Variants in ABCC3 observed in about 807,000 individuals in gnomAD.
The protein encoded by ABCC3 is ATP-binding cassette sub-family C member 3.
A neutral mutation model predicts 165.3 loss-of-function variants in ABCC3; 121 were observed. That is an observed-to-expected ratio of 0.73 (90% CI 0.63 to 0.85). The LOEUF (loss-of-function observed/expected upper bound fraction) is 0.85, where lower values mean the gene tolerates loss of function less well. ABCC3 is among the 40% of genes least tolerant of loss of function. The probability of loss-of-function intolerance (pLI) is 0.00; values close to 1 mark genes in which losing one functional copy is unlikely to be tolerated. For missense variants in ABCC3, 1,869 were observed against 1,964.1 expected, an observed-to-expected ratio of 0.95 and a Z score of 0.92; for synonymous variants, 733 against 810.1, an observed-to-expected ratio of 0.90 and a Z score of 1.62.
At chr17:50,671,614 C>T (rs1967647099) in intron 17 of ABCC3, among the ~76,000 whole-genome samples, 1 of 143,400 alleles carries the variant, frequency 7.0e-6, no homozygotes, top group African/African-American at 2.5e-5. Context: ...TCCTTGTTGG[C>T]GGGGAGTCTG....
chr17:50,653,758 G>T (rs200425906), intron 1 of ABCC3, among the ~76,000 whole-genome samples: 1 of 132,308 alleles, frequency 7.6e-6, no homozygotes, highest in African/African-American at 2.9e-5. Context: ...CATCTCAAAA[G>T]AAAAAAAAAA....
At chr17:50,675,589 G>C in intron 20 of ABCC3, 42 bp from the exon 21 acceptor site, 1 of 1,560,370 alleles carries the variant, frequency 6.4e-7, no homozygotes, top group Admixed American at 1.9e-5. Context: ...CCTGGGGGGT[G>C]CTTGAGGCCC....
intron 26 of ABCC3, 123 bp downstream of exon 26, chr17:50,680,022 T>C (rs1211803770): frequency 1.5e-6 from 1 of 689,118 alleles, no homozygotes; most frequent in African/African-American, 1.8e-5. Flanking sequence ...CATTTACCCA[T>C]TCACTCCTTA....
chr17:50,684,783 G>A lies in ABCC3; in HGVS notation c.4188G>A (p.Trp1396Ter), dbSNP rs1967993304. 6.2e-7 allele frequency: 1 copy of A among 1,614,148 alleles called. No individual in the cohort carries two copies. Among genetic ancestry groups the A allele is most frequent in the Non-Finnish European group, 8.5e-7 (1 of 1,180,032 alleles). Residue 1396 changes from tryptophan to a stop codon, truncating the protein, a stop_gained, in exon 29 of 31, where the codon TGG (tryptophan) becomes TGA (stop). Transcript: ENST00000285238. LOFTEE classifies it high-confidence loss of function. ...PFGSYSEEDI[W>*]WALELSHLHT... ...GCAGCTACTCAGAGGAGGACATTTG[G>A]TGGGCTTTGGAGCTGTCCCACCTGC... is the stretch of plus-strand genomic sequence containing the variant.
chr17:50,675,358 G>A lies in ABCC3; in HGVS notation c.2600-4G>A. On this transcript the variant is annotated splice_region_variant and splice_polypyrimidine_tract_variant and intron_variant, in intron 19 of 30. Transcript: ENST00000285238. ...CCTATCTCCTTCCTCCCACCCTACT[G>A]CAGCGTTGGAAGGTGCAGAGGATAA... 1 of 1,606,510 alleles carries A rather than the reference G, an allele frequency of 6.2e-7. No individual in the cohort carries two copies. Among genetic ancestry groups the A allele is most frequent in the Non-Finnish European group, 8.5e-7 (1 of 1,175,502 alleles).
Position 50,634,966 on chromosome 17 carries a change from C to G in ABCC3, c.30C>G (p.Leu10=), listed in dbSNP as rs1381307836. 7.9e-7 allele frequency: 1 copy of G among 1,260,310 alleles called. No individual in the cohort carries two copies. The highest frequency in any genetic ancestry group is 1.0e-6 in the Non-Finnish European group (1 of 1,000,432). 78.1% of individuals were successfully genotyped at this position (1,260,310 alleles called of 1,614,324 possible). A position where few individuals can be genotyped will look rare whatever the true frequency, so the allele number is the denominator to read the frequency against. The change falls in exon 1 of 31, where the codon CTC becomes CTG. Residue 10 remains leucine, a synonymous_variant. Coordinates refer to ENST00000285238, the MANE Select transcript of ABCC3 (RefSeq NM_003786.4). MDALCGSGE[L]GSKFWDSNLS... ...ACGCCCTGTGCGGTTCCGGGGAGCT[C>G]GGCTCCAAGTTCTGGGTAAGGCGCG...
At chr17:50,681,229 A>G (rs1211122852) in intron 26 of ABCC3, among the ~76,000 whole-genome samples, 2 of 151,928 alleles carry the variant, frequency 1.3e-5, no homozygotes, top group Non-Finnish European at 2.9e-5. Context: ...CAAACCCCAC[A>G]TCTCCCTCCT....
At chr17:50,636,066 C>T (rs2054176996) in intron 1 of ABCC3, among the ~76,000 whole-genome samples, 1 of 152,060 alleles carries the variant, frequency 6.6e-6, no homozygotes, top group Non-Finnish European at 1.5e-5. Context: ...CTCTATGAGG[C>T]AAGTGATCAT....
rs771262922 is a variant in ABCC3 at position 50,676,352 on chromosome 17, C to T, written c.3142C>T (p.Leu1048=). 6 of 1,614,080 alleles carry T rather than the reference C, an allele frequency of 3.7e-6. No homozygotes were observed. In the African/African-American group the frequency reaches 8.0e-5, roughly 22 times the overall value. ...GGCTGCCCGTGTGTTGCACCAGGCA[C>T]TGCTGCACAACAAGATACGCTCGCC... ...IQAARVLHQA[L]LHNKIRSPQS... is the part of the protein sequence containing the mutation. Residue 1048 remains leucine, a synonymous_variant, in exon 23 of 31, where the codon CTG becomes TTG. Transcript: ENST00000285238.
chr17:50,686,544 A>T (rs763908986), intron 29 of ABCC3, among the ~76,000 whole-genome samples: 6 of 152,016 alleles, frequency 3.9e-5, no homozygotes, highest in Non-Finnish European at 5.9e-5. Flanking sequence ...CTGGCGGACA[A>T]ACATGGTCTC....
At position 50,658,327 on chromosome 17, in the gene ABCC3, G is replaced by A. The variant is rs1189821563; in HGVS notation, c.613-108G>A. The A allele has an allele frequency of 6.3e-6, 10 of 1,582,858 alleles. No individual in the cohort carries two copies. In the Admixed American group the frequency reaches 6.7e-5, roughly 11 times the overall value. On this transcript the variant is annotated intron_variant, in intron 5 of 30. Transcript: ENST00000285238. ...GGGAGAGAGGTCATCCCCACAATCTGTAAACTGGGGCTTGGAGCAGGAACA... is the reference window on the plus strand; with the variant it reads ...GGGAGAGAGGTCATCCCCACAATCTATAAACTGGGGCTTGGAGCAGGAACA...
At chr17:50,653,344 C>CAAAAAAAAAAAAAAAA (rs1298179994) in intron 1 of ABCC3, among the ~76,000 whole-genome samples, 1 of 47,758 alleles carries the variant, frequency 2.1e-5, no homozygotes, top group African/African-American at 6.9e-5. Flanking sequence ...GAGACTGTCT[C>CAAAAAAAAAAAAAAAA]AAAAAAAAAA....
chr17:50,640,946 T>A (rs980854422), intron 1 of ABCC3, among the ~76,000 whole-genome samples: 2 of 152,230 alleles, frequency 1.3e-5, no homozygotes, highest in African/African-American at 4.8e-5. Context: ...TATCTGGGAC[T>A]TCAGGAGCTG....
chr17:50,685,711 CA>C (rs1968010405), intron 29 of ABCC3, among the ~76,000 whole-genome samples: 1 of 152,202 alleles, frequency 6.6e-6, no homozygotes, highest in African/African-American at 2.4e-5. Context: ...CACATGGGGC[CA>C]GTGGCTACCA....
In ABCC3 at chr17:50,634,931, G is replaced by C. The variant is rs1022464701; in HGVS notation, c.-6G>C. On this transcript the variant is annotated 5_prime_UTR_variant, in exon 1 of 31. Coordinates refer to ENST00000285238, the MANE Select transcript of ABCC3 (RefSeq NM_003786.4). Reference sequence around the variant, plus strand: ...CTCGCCTTCCTTGCAGCCGCGCCTCGGCCCCATGGACGCCCTGTGCGGTTC... The same window carrying C: ...CTCGCCTTCCTTGCAGCCGCGCCTCCGCCCCATGGACGCCCTGTGCGGTTC... 1.5e-5 allele frequency: 19 copies of C among 1,255,602 alleles called. No individual in the cohort carries two copies. In the Admixed American group the frequency reaches 3.7e-4, roughly 25 times the overall value. 77.8% of individuals were successfully genotyped at this position (1,255,602 alleles called of 1,614,324 possible). A position where few individuals can be genotyped will look rare whatever the true frequency, so the allele number is the denominator to read the frequency against.
Position 50,684,692 on chromosome 17 carries a change from C to T in ABCC3, c.4114-17C>T. On this transcript the variant is annotated splice_polypyrimidine_tract_variant and intron_variant, in intron 28 of 30. Transcript: ENST00000285238. ...GGGCCTAAGCTGCCTCCCTCTGAGG[C>T]CACGTTGTATCCCCAGGACCCCATC... 1 of 1,610,400 alleles carries T rather than the reference C, an allele frequency of 6.2e-7. No individual in the cohort carries two copies. The highest frequency in any genetic ancestry group is 8.5e-7 in the Non-Finnish European group (1 of 1,177,914).
chr17:50,688,658 G>T (rs1968066237), intron 30 of ABCC3, among the ~76,000 whole-genome samples: 1 of 151,940 alleles, frequency 6.6e-6, no homozygotes, highest in African/African-American at 2.4e-5. Flanking sequence ...AGGCCAAGGA[G>T]GGCGGATGAC....
intron 26 of ABCC3, among the ~76,000 whole-genome samples, chr17:50,681,747 C>T (rs1331756880): frequency 3.9e-5 from 6 of 152,114 alleles, no homozygotes; most frequent in African/African-American, 7.2e-5. Flanking sequence ...ATCCAGGGGA[C>T]GCTTTTCTGT....
intron 7 of ABCC3, among the ~76,000 whole-genome samples, chr17:50,659,963 G>C (rs1313448972): frequency 2.0e-5 from 3 of 152,156 alleles, no homozygotes; most frequent in Non-Finnish European, 1.5e-5. Context: ...TCCAGTCTGG[G>C]CAATAGAGTG....
Sources: allele counts gnomAD v4.1 joint callset (sites outside exome capture counted in the v4.1 genomes callset), GRCh38; gene constraint gnomAD v4.1.1; transcripts MANE v1.5; gene names NCBI Gene and HGNC (gene_info 2026-07-23, HGNC 2026-07-21).